Variants in ADGRV1 observed in about 807,000 individuals in gnomAD.
ADGRV1 encodes G-protein coupled receptor 98.
ADGRV1 carries 359 observed loss-of-function variants against 596.2 expected under a neutral mutation model. The ratio of observed to expected loss-of-function variants is 0.60; its 90% CI spans 0.55 to 0.66. The LOEUF (loss-of-function observed/expected upper bound fraction) is 0.66, where lower values mean the gene tolerates loss of function less well. ADGRV1 is among the 30% of genes least tolerant of loss of function. ADGRV1 has a pLI of 0.00. For missense variants in ADGRV1, 7,274 were observed against 7,575.6 expected, an observed-to-expected ratio of 0.96 and a Z score of 1.48; for synonymous variants, 2,681 against 2,679.2, an observed-to-expected ratio of 1.00 and a Z score of -0.02.
Position 90,757,064 on chromosome 5 carries a change from T to C in ADGRV1, c.11843T>C (p.Phe3948Ser). 3.1e-6 allele frequency: 5 copies of C among 1,613,950 alleles called. No homozygotes were observed. The highest frequency in any genetic ancestry group is 2.2e-5 in the East Asian group (1 of 44,884). Residue 3948 changes from phenylalanine (F) to serine (S), a missense_variant, in exon 57 of 90, where the codon TTT (phenylalanine) becomes TCT (serine). Phe to Ser is a radical substitution (Grantham distance 155). Around this residue, in one of 5 missense-constraint regions of ADGRV1, gnomAD observed 3,643 missense variants for 3,809.2 expected, o/e 0.96. Transcript: ENST00000405460. ...CCTGTAGTCCGGCTGGCTGGAAGCT[T>C]TGGGGCAGTAAATGTTTATTGGAAA... ...QVPVVRLAGS[F>S]GAVNVYWKAS...
At chr5:90,968,289 A>G (rs929458069) in intron 84 of ADGRV1, among the ~76,000 whole-genome samples, 62 of 152,212 alleles carry the variant, frequency 4.1e-4, no homozygotes, top group African/African-American at 1.5e-3. Context: ...AGTAAATTCA[A>G]TCACTGAAAT....
At chr5:90,824,095 T>A (rs1763859522) in intron 76 of ADGRV1, among the ~76,000 whole-genome samples, 1 of 151,764 alleles carries the variant, frequency 6.6e-6, no homozygotes. Flanking sequence ...ATGGTATCTC[T>A]TTTTTATATT....
chr5:90,614,680 C>T, intron 1 of ADGRV1, 155 bp from the exon 2 acceptor site: 1 of 696,906 alleles, frequency 1.4e-6, no homozygotes, highest in Non-Finnish European at 2.6e-6. Context: ...TCTGTCGTCA[C>T]ATATTTGAGT....
chr5:91,118,371 C>CAA (rs368614527), intron 87 of ADGRV1, among the ~76,000 whole-genome samples: 1 of 140,834 alleles, frequency 7.1e-6, no homozygotes. Flanking sequence ...AAGTAATTGG[C>CAA]AAAAAAAAAA....
At chr5:90,984,026 A>G (rs908070784) in intron 84 of ADGRV1, among the ~76,000 whole-genome samples, 3 of 152,198 alleles carry the variant, frequency 2.0e-5, no homozygotes, top group Non-Finnish European at 4.4e-5. Context: ...AAGAGATTTA[A>G]GAAGAGGCAG....
chr5:90,645,126 G>A (rs1767549566), intron 15 of ADGRV1, among the ~76,000 whole-genome samples: 1 of 152,200 alleles, frequency 6.6e-6, no homozygotes, highest in African/African-American at 2.4e-5. Context: ...AGTTGGAGAG[G>A]CGAAGCCCTC....
At chr5:90,578,987 T>G (rs1385851871) in intron 1 of ADGRV1, among the ~76,000 whole-genome samples, 2 of 152,194 alleles carry the variant, frequency 1.3e-5, no homozygotes, top group Non-Finnish European at 2.9e-5. Flanking sequence ...TATTTGATTC[T>G]TCTCTCTTTT....
At position 91,035,861 on chromosome 5, in the gene ADGRV1, T is replaced by TAA; in HGVS notation, c.18153-36586_18153-36585insAA. Reference sequence around the variant, plus strand: ...ATGAGTGTGTATATATATATATATATTATATATATATATATATATATCTTA... The same window carrying TAA: ...ATGAGTGTGTATATATATATATATATAATATATATATATATATATATATCTTA... On this transcript the variant is annotated intron_variant, in intron 85 of 89. Transcript: ENST00000405460. 7.7e-3 allele frequency among the ~76,000 whole-genome samples: 740 copies of TAA among 96,350 alleles called. 33 individuals are homozygous for TAA. The highest frequency in any genetic ancestry group is 0.023 in the African/African-American group (597 of 26,352). 63.2% of individuals were successfully genotyped at this position (96,350 alleles called of 152,430 possible).
At chr5:90,761,953 G>C (rs1251447455) in intron 58 of ADGRV1, among the ~76,000 whole-genome samples, 1 of 151,928 alleles carries the variant, frequency 6.6e-6, no homozygotes, top group South Asian at 2.1e-4. Flanking sequence ...ATACAATATT[G>C]TGCACACAAT....
chr5:90,965,439 G>T lies in ADGRV1; in HGVS notation c.17881G>T (p.Ala5961Ser). The T allele has an allele frequency of 1.9e-6, 3 of 1,612,388 alleles. No individual in the cohort carries two copies. Among genetic ancestry groups the T allele is most frequent in the Non-Finnish European group, 1.7e-6 (2 of 1,178,534 alleles). Residue 5961 changes from alanine to serine, a missense_variant, in exon 84 of 90, where the codon GCA (alanine) becomes TCA (serine). Physicochemically the swap from Ala to Ser is moderately conservative, Grantham distance 99 (BLOSUM62 1). This residue lies in a region of ADGRV1 where 1,874 missense variants were observed against 1,970.2 expected (regional missense o/e 0.95). Coordinates refer to ENST00000405460, the MANE Select transcript of ADGRV1 (RefSeq NM_032119.4). ...GATTCTGTTTCTGGCGTCTGCATACGCAAGTCCCCAACTCGCTGAGGAGAG... is the reference window on the plus strand; with the variant it reads ...GATTCTGTTTCTGGCGTCTGCATACTCAAGTCCCCAACTCGCTGAGGAGAG... ...TQILFLASAY[A>S]SPQLAEESCS... is the part of the protein sequence containing the mutation.
chr5:91,087,763 G>A (rs1341004618), intron 86 of ADGRV1, among the ~76,000 whole-genome samples: 2 of 152,116 alleles, frequency 1.3e-5, no homozygotes, highest in Non-Finnish European at 2.9e-5. Flanking sequence ...TATTTGGGAG[G>A]CACTAATAGT....
At chr5:91,062,210 ATTTG>A (rs564668616) in intron 85 of ADGRV1, among the ~76,000 whole-genome samples, 250 of 152,000 alleles carry the variant, frequency 1.6e-3, no homozygotes, top group African/African-American at 4.6e-3. Flanking sequence ...TATTCTGAAG[ATTTG>A]TTTGTTTGCT....
chr5:90,594,941 C>A (rs1439751229), intron 1 of ADGRV1, among the ~76,000 whole-genome samples: 2 of 148,882 alleles, frequency 1.3e-5, no homozygotes, highest in African/African-American at 2.5e-5. Flanking sequence ...ACCTTTCCCC[C>A]CTTTCTATTC....
At chr5:91,109,636 C>T (rs537056306) in intron 87 of ADGRV1, among the ~76,000 whole-genome samples, 1 of 152,234 alleles carries the variant, frequency 6.6e-6, no homozygotes, top group South Asian at 2.1e-4. Flanking sequence ...GCTTTCCAGC[C>T]CCAGCAGGAA....
intron 59 of ADGRV1, among the ~76,000 whole-genome samples, chr5:90,764,878 A>G (rs1756926366): frequency 6.6e-6 from 1 of 152,140 alleles, no homozygotes; most frequent in Non-Finnish European, 1.5e-5. Context: ...TGCACAAGCT[A>G]GCAACCTGGT....
At chr5:90,692,815 G>A in intron 32 of ADGRV1, 29 bp downstream of exon 32, 6 of 1,524,936 alleles carry the variant, frequency 3.9e-6, no homozygotes, top group Non-Finnish European at 5.3e-6. Flanking sequence ...TGCCTCTGTG[G>A]GAGTGATGAG....
At chr5:91,019,794 C>T (rs1363966704) in intron 85 of ADGRV1, among the ~76,000 whole-genome samples, 4 of 151,960 alleles carry the variant, frequency 2.6e-5, no homozygotes, top group African/African-American at 4.8e-5. Context: ...TTCTCCACAT[C>T]GTTAGCTCTT....
At chr5:91,078,935 A>T (rs1789089201) in intron 86 of ADGRV1, among the ~76,000 whole-genome samples, 1 of 152,218 alleles carries the variant, frequency 6.6e-6, no homozygotes, top group Non-Finnish European at 1.5e-5. Flanking sequence ...TTATTCTCAC[A>T]TCAAACTTGT....
At chr5:90,564,094 G>A (rs950142603) in intron 1 of ADGRV1, among the ~76,000 whole-genome samples, 1 of 152,188 alleles carries the variant, frequency 6.6e-6, no homozygotes, top group African/African-American at 2.4e-5. Context: ...CTGAAAGAAG[G>A]CATAATAGAA....
Sources: allele counts gnomAD v4.1 joint callset (sites outside exome capture counted in the v4.1 genomes callset), GRCh38; gene constraint gnomAD v4.1.1; regional missense constraint gnomAD v4.1.1; transcripts MANE v1.5; gene names NCBI Gene and HGNC (gene_info 2026-07-23, HGNC 2026-07-21).